The following TLE5 variants were observed in gnomAD, a reference collection of about 807,000 sequenced individuals.
The protein encoded by TLE5 is TLE family member 5.
A neutral mutation model predicts 25.8 loss-of-function variants in TLE5; 7 were observed. The ratio of observed to expected loss-of-function variants is 0.27; its 90% CI spans 0.15 to 0.51. TLE5 has a LOEUF of 0.51. TLE5 is among the 20% of genes least tolerant of loss of function. TLE5 has a pLI of 0.97. For synonymous variants in TLE5, 132 were observed against 110.5 expected, an observed-to-expected ratio of 1.20 and a Z score of -1.22; for missense variants, 149 against 250.7, an observed-to-expected ratio of 0.59 and a Z score of 2.74.
In TLE5 at chr19:3,057,714, T is replaced by C; in HGVS notation, c.154A>G (p.Ser52Gly). ...SLKLECDKLA[S>G]EKSEMQRHYV... is the part of the protein sequence containing the mutation. ...TGACGCTGCATCTCTGACTTCTCAC[T>C]GGCCAACTTGTCACATTCGAGCTTG... is the stretch of plus-strand genomic sequence containing the variant. The change falls in exon 3 of 7, where the codon AGT becomes GGT. Residue 52 changes from serine to glycine, a missense_variant. Coordinates refer to ENST00000327141, the MANE Select transcript of TLE5 (RefSeq NM_001130.6). 6.2e-7 allele frequency: 1 copy of C among 1,613,330 alleles called. No homozygotes were observed. The highest frequency in any genetic ancestry group is 1.1e-5 in the South Asian group (1 of 91,072).
chr19:3,061,589 G>C (rs995810331), intron 1 of TLE5, among the ~76,000 whole-genome samples: 11 of 151,778 alleles, frequency 7.2e-5, no homozygotes, highest in Admixed American at 2.0e-4. Context: ...TCCGAGGGGG[G>C]TAGAAACGCG....
In TLE5 at chr19:3,053,777, C is replaced by T; in HGVS notation, c.*42G>A. ...TTCCTTTCTCTCCGTGCCTCTGTCT[C>T]CCCTCTGTCCCCCCTCCCAACCTCC... is the stretch of plus-strand genomic sequence containing the variant. On this transcript the variant is annotated 3_prime_UTR_variant, in exon 7 of 7. Transcript: ENST00000327141. The T allele has an allele frequency of 6.3e-7, 1 of 1,581,338 alleles. No individual in the cohort carries two copies. The highest frequency in any genetic ancestry group is 1.1e-5 in the South Asian group (1 of 89,624).
chr19:3,059,920 G>A (rs547386944), intron 2 of TLE5, among the ~76,000 whole-genome samples: 37 of 152,342 alleles, frequency 2.4e-4, no homozygotes, highest in African/African-American at 8.7e-4. Flanking sequence ...GCTTGAGAAT[G>A]GGTACGACAG....
rs895711302 is a variant in TLE5, at chr19:3,061,318, G to A, written c.28-61C>T. On this transcript the variant is annotated intron_variant, in intron 1 of 6. Transcript: ENST00000327141. ...GTGGGCTGGACCCCCCTCAAGGGCCGGCTAGGAGGGAGCGGCCGCGCAGCT... is the reference window on the plus strand; with the variant it reads ...GTGGGCTGGACCCCCCTCAAGGGCCAGCTAGGAGGGAGCGGCCGCGCAGCT... The A allele has an allele frequency of 7.6e-5, 102 of 1,344,232 alleles. No individual in the cohort carries two copies. In the East Asian group the frequency reaches 2.1e-3, roughly 27 times the overall value. 83.3% of individuals were successfully genotyped at this position (1,344,232 alleles called of 1,614,324 possible).
chr19:3,060,613 T>C (rs910824874), intron 2 of TLE5, among the ~76,000 whole-genome samples: 1 of 152,162 alleles, frequency 6.6e-6, no homozygotes, highest in African/African-American at 2.4e-5. Context: ...ATTACAGGCA[T>C]GAGCCACCAC....
intron 3 of TLE5, chr19:3,056,680 A>G: frequency 1.9e-6 from 1 of 535,726 alleles, no homozygotes. Flanking sequence ...CAGGGCTCCT[A>G]ATCTTGTATC....
intron 5 of TLE5, 115 bp from the exon 6 acceptor site, chr19:3,054,309 G>T: frequency 1.0e-6 from 1 of 974,372 alleles, no homozygotes. Flanking sequence ...CATCATGTCT[G>T]CTCCTCCCAG....
chr19:3,058,216 G>A lies in TLE5; in HGVS notation c.126-474C>T, dbSNP rs1008470386. Among the ~76,000 whole-genome samples, 6 of 152,098 alleles carry A rather than the reference G, an allele frequency of 3.9e-5. No homozygotes were observed. The East Asian group carries it at 5.8e-4, about 15-fold the overall frequency. On this transcript the variant is annotated intron_variant, in intron 2 of 6. Transcript: ENST00000327141. ...TAAGCAACATTATAGTAACATTATA[G>A]GAACAACAGAAGTTAGAGGGGGCAC...
At chr19:3,056,244 C>T (rs542553369) in intron 4 of TLE5, 68 bp downstream of exon 4, 13 of 831,456 alleles carry the variant, frequency 1.6e-5, no homozygotes, top group East Asian at 2.2e-4. Flanking sequence ...GTGCCCAAGG[C>T]GGGGCTGGAG....
chr19:3,061,263 G>T lies in TLE5; in HGVS notation c.28-6C>A. 4 of 1,610,134 alleles carry T rather than the reference G, an allele frequency of 2.5e-6. No individual in the cohort carries two copies. Among genetic ancestry groups the T allele is most frequent in the Non-Finnish European group, 3.4e-6 (4 of 1,177,018 alleles). On this transcript the variant is annotated splice_polypyrimidine_tract_variant and splice_region_variant and intron_variant, in intron 1 of 6. Transcript: ENST00000327141. ...TGGGGTAGGTGCGAGGAGCCCTGTA[G>T]GGATGGGGCGGCCCGGGTCAGGCCC...
upstream of TLE5, chr19:3,062,555 C>T: frequency 1.3e-6 from 1 of 778,280 alleles, no homozygotes; most frequent in African/African-American, 1.9e-5. Flanking sequence ...GTGCCCCGTG[C>T]GCGCCGCCGA....
rs1278395731 is a variant in TLE5, at chr19:3,060,097, C to G, written c.125+1063G>C. On this transcript the variant is annotated intron_variant, in intron 2 of 6. Transcript: ENST00000327141. Reference sequence around the variant, plus strand: ...CAGGAACACTTCTGGGGTGGGCACGCTTCAGTTTAGAGAGGGCCCCAAGGC... The same window carrying G: ...CAGGAACACTTCTGGGGTGGGCACGGTTCAGTTTAGAGAGGGCCCCAAGGC... Among the ~76,000 whole-genome samples, 3 of 152,086 alleles carry G rather than the reference C, an allele frequency of 2.0e-5. No individual in the cohort carries two copies. The East Asian group carries it at 5.8e-4, about 29-fold the overall frequency.
chr19:3,061,683 C>T (rs2145267666), intron 1 of TLE5, among the ~76,000 whole-genome samples: 1 of 151,330 alleles, frequency 6.6e-6, no homozygotes, highest in South Asian at 2.1e-4. Context: ...TCTCTCGGTG[C>T]TCGAAATCTT....
chr19:3,062,892 G>A, upstream of TLE5: 1 of 1,291,952 alleles, frequency 7.7e-7, no homozygotes, highest in Non-Finnish European at 1.1e-6. Context: ...CAGCGGTAAT[G>A]CCGCCTTCCT....
intron 5 of TLE5, chr19:3,054,406 CAA>C: frequency 1.7e-6 from 1 of 597,354 alleles, no homozygotes. Flanking sequence ...CCAACAGAGA[CAA>C]ATGGAAAAGT....
At chr19:3,056,048 G>C in intron 4 of TLE5, 1 of 532,200 alleles carries the variant, frequency 1.9e-6, no homozygotes, top group Non-Finnish European at 3.3e-6. Flanking sequence ...AGGGAGGGCT[G>C]GGGGCCGTAG....
upstream of TLE5, chr19:3,062,906 G>A (rs904277738): frequency 1.5e-5 from 17 of 1,162,338 alleles, no homozygotes; most frequent in South Asian, 2.6e-5. Context: ...CCTTCCTGAG[G>A]GAAGCCATTC....
intron 2 of TLE5, among the ~76,000 whole-genome samples, chr19:3,060,279 G>C (rs935155521): frequency 1.3e-5 from 2 of 150,884 alleles, no homozygotes; most frequent in African/African-American, 4.9e-5. Context: ...GGACACCCCC[G>C]AGGAAATAAC....
At chr19:3,062,501 C>T, upstream of TLE5, 1 of 626,224 alleles carries the variant, frequency 1.6e-6, no homozygotes, top group Non-Finnish European at 2.0e-6. Context: ...GCAGTGGCCG[C>T]GGCTCGGCTG....
Sources: allele counts gnomAD v4.1 joint callset (sites outside exome capture counted in the v4.1 genomes callset), GRCh38; gene constraint gnomAD v4.1.1; transcripts MANE v1.5; gene names NCBI Gene and HGNC (gene_info 2026-07-23, HGNC 2026-07-21).